The following HVCN1 variants were observed in gnomAD, a reference collection of about 807,000 sequenced individuals.
The protein encoded by HVCN1 is voltage-gated hydrogen channel 1.
A neutral mutation model predicts 29.2 loss-of-function variants in HVCN1; 14 were observed. The observed-to-expected ratio is 0.48, with a 90% CI of 0.32 to 0.75. The LOEUF (loss-of-function observed/expected upper bound fraction) is 0.75. HVCN1 is among the 30% of genes least tolerant of loss of function. HVCN1 has a pLI of 0.04. For missense variants in HVCN1, 263 were observed against 341.8 expected (o/e 0.77, Z 1.82); for synonymous variants, 131 against 133.2 (o/e 0.98, Z 0.11).
At chr12:110,683,177 T>G in intron 3 of HVCN1, 48 bp downstream of exon 3, 1 of 1,613,522 alleles carries the variant, frequency 6.2e-7, no homozygotes. Flanking sequence ...AATTATCCTC[T>G]CAAGGCTGGG....
At chr12:110,704,620 T>C (rs1480739480) in intron 1 of HVCN1, among the ~76,000 whole-genome samples, 1 of 152,214 alleles carries the variant, frequency 6.6e-6, no homozygotes, top group Non-Finnish European at 1.5e-5. Context: ...ATTGTGCCAC[T>C]GCACTATAGC....
chr12:110,681,566 C>T (rs1386523874), intron 3 of HVCN1, among the ~76,000 whole-genome samples: 1 of 152,194 alleles, frequency 6.6e-6, no homozygotes, highest in African/African-American at 2.4e-5. Context: ...AACCTTTCTT[C>T]CATGCTGACT....
At chr12:110,656,512 G>A (rs2067995880) in intron 4 of HVCN1, among the ~76,000 whole-genome samples, 1 of 152,140 alleles carries the variant, frequency 6.6e-6, no homozygotes, top group African/African-American at 2.4e-5. Flanking sequence ...TGCAGCAGTG[G>A]GAGGAGCCCC....
intron 5 of HVCN1, among the ~76,000 whole-genome samples, chr12:110,652,362 G>T (rs1366071069): frequency 6.6e-6 from 1 of 152,348 alleles, no homozygotes; most frequent in East Asian, 1.9e-4. Context: ...CTGCACTCCA[G>T]CCTGGGTGAC....
At chr12:110,662,961 A>G (rs1426788187) in intron 3 of HVCN1, among the ~76,000 whole-genome samples, 2 of 152,250 alleles carry the variant, frequency 1.3e-5, no homozygotes, top group East Asian at 1.9e-4. Context: ...CAGGCAGGTC[A>G]TGTAAGAGAA....
At position 110,661,635 on chromosome 12, in the gene HVCN1, T is replaced by A. The variant is rs1405725918; in HGVS notation, c.22-187A>T. 1.3e-5 allele frequency among the ~76,000 whole-genome samples: 2 copies of A among 152,136 alleles called. No homozygotes were observed. Among genetic ancestry groups the A allele is most frequent in the Non-Finnish European group, 2.9e-5 (2 of 68,010 alleles). On this transcript the variant is annotated intron_variant, in intron 3 of 7. Transcript: ENST00000242607. This position sits in a 1 kb window ranked among gnomAD's most constrained non-coding sequence, Gnocchi z 6.2. ...TTTTGGAATCCAGGGTCTCAGTGTC[T>A]ATGAGGCAACAGGAAACTCCTGCCC... is the stretch of plus-strand genomic sequence containing the variant.
At chr12:110,692,928 C>T (rs1021582602), upstream of HVCN1, among the ~76,000 whole-genome samples, 3 of 152,102 alleles carry the variant, frequency 2.0e-5, no homozygotes, top group East Asian at 1.9e-4. Context: ...TGCAGTGGCT[C>T]GAGCACAGCT....
chr12:110,698,724 G>C (rs1018171836), intron 2 of HVCN1, among the ~76,000 whole-genome samples: 5 of 152,222 alleles, frequency 3.3e-5, no homozygotes, highest in African/African-American at 2.4e-5. Flanking sequence ...CCAGTGCTGA[G>C]TCACTCCGTC....
At chr12:110,686,217 C>G (rs978368820) in intron 2 of HVCN1, among the ~76,000 whole-genome samples, 1 of 152,124 alleles carries the variant, frequency 6.6e-6, no homozygotes, top group African/African-American at 2.4e-5. Flanking sequence ...GTTAGCCAGG[C>G]TGGTCTCAGA....
chr12:110,648,900 C>CTGA lies in HVCN1; in HGVS notation c.*507_*509dup, dbSNP rs1593414803. The stretch of plus-strand genomic sequence containing the variant: ...AACAATGGAGCCACCTAGAAGCTGG[C>CTGA]TGATGCAGCTGGGGCACACAGAGGA... On this transcript the variant is annotated 3_prime_UTR_variant, in exon 8 of 8. Coordinates refer to ENST00000242607, the MANE Select transcript of HVCN1 (RefSeq NM_032369.4). The CTGA allele has an allele frequency of 2.5e-6, 1 of 398,132 alleles. No homozygotes were observed. The highest frequency in any genetic ancestry group is 7.5e-5 in the East Asian group (1 of 13,260). The allele number at this position is 398,132 out of a possible 1,614,324, so 24.7% of individuals were successfully genotyped here. A position where few individuals can be genotyped will look rare whatever the true frequency, so the allele number is the denominator to read the frequency against.
intron 3 of HVCN1, among the ~76,000 whole-genome samples, chr12:110,664,844 T>C (rs2068290501): frequency 6.6e-6 from 1 of 152,102 alleles, no homozygotes; most frequent in African/African-American, 2.4e-5. Flanking sequence ...GGGAAAAATA[T>C]AACTTTCAGG....
At chr12:110,654,028 G>A (rs1292603688) in intron 5 of HVCN1, among the ~76,000 whole-genome samples, 8 of 152,268 alleles carry the variant, frequency 5.3e-5, no homozygotes, top group Admixed American at 5.2e-4. Flanking sequence ...CGTCCGTGGG[G>A]ATGTATAGTG....
rs1281271634 is a variant in HVCN1 at position 110,661,187 on chromosome 12, G to GT, written c.282dup (p.Leu95ThrfsTer25). The GT allele has an allele frequency of 6.2e-7, 1 of 1,610,788 alleles. No individual in the cohort carries two copies. The highest frequency in any genetic ancestry group is 1.1e-5 in the South Asian group (1 of 90,824). On this transcript the variant is annotated frameshift_variant, in exon 4 of 8. Transcript: ENST00000242607. LOFTEE classifies it high-confidence loss of function. This position sits in a 1 kb window ranked among gnomAD's most constrained non-coding sequence, Gnocchi z 6.2. The stretch of plus-strand genomic sequence containing the variant: ...ACCTGAAACCTGTGGGAGCTGAACA[G>GT]TTTCCTCAACATGCCCCTGAAGTCA...
chr12:110,672,573 T>A (rs1424884334), intron 3 of HVCN1, among the ~76,000 whole-genome samples: 1 of 152,100 alleles, frequency 6.6e-6, no homozygotes, highest in East Asian at 1.9e-4. Context: ...GAGTGAAACT[T>A]TGCATTTTTT....
upstream of HVCN1, among the ~76,000 whole-genome samples, chr12:110,692,055 G>A (rs532148197): frequency 4.6e-5 from 7 of 152,304 alleles, no homozygotes; most frequent in East Asian, 1.3e-3. Context: ...GATCTCAAAT[G>A]TGTTACACTG....
chr12:110,651,085 G>C (rs1261969985), intron 6 of HVCN1, 132 bp downstream of exon 6: 31 of 641,312 alleles, frequency 4.8e-5, no homozygotes, highest in Non-Finnish European at 8.0e-5. Flanking sequence ...GGGAGGTGAG[G>C]GGGCAGAGGG....
upstream of HVCN1, among the ~76,000 whole-genome samples, chr12:110,692,882 T>C (rs1164054661): frequency 1.3e-5 from 2 of 152,184 alleles, no homozygotes; most frequent in African/African-American, 4.8e-5. Context: ...TTTGTTTGTT[T>C]AGAGACAGGG....
At chr12:110,699,616 C>T (rs555275553) in intron 2 of HVCN1, among the ~76,000 whole-genome samples, 12 of 152,094 alleles carry the variant, frequency 7.9e-5, no homozygotes, top group South Asian at 6.3e-4. Flanking sequence ...GAGGCAGAGC[C>T]GAGAACAGCC....
At chr12:110,698,654 A>G (rs16940950) in intron 2 of HVCN1, among the ~76,000 whole-genome samples, 22,204 of 152,222 alleles carry the variant, frequency 0.15, 2,245 homozygotes, top group African/African-American at 0.29. Flanking sequence ...GGACCCGAGC[A>G]CTGTCTGCAG....
Sources: allele counts gnomAD v4.1 joint callset (sites outside exome capture counted in the v4.1 genomes callset), GRCh38; gene constraint gnomAD v4.1.1; non-coding constraint Gnocchi (gnomAD v3.1); transcripts MANE v1.5; gene names NCBI Gene and HGNC (gene_info 2026-07-23, HGNC 2026-07-21).